The following TENT2 variants were observed in gnomAD, a reference collection of about 807,000 sequenced individuals.
TENT2 encodes the protein terminal nucleotidyltransferase 2, also known as poly(A) RNA polymerase GLD2.
TENT2 carries 44 observed loss-of-function variants against 72.2 expected under a neutral mutation model. The observed-to-expected ratio is 0.61, with a 90% CI of 0.48 to 0.78. TENT2 has a LOEUF of 0.78. Among genes scored for constraint, TENT2 ranks in the 30% least tolerant of loss-of-function variants. The pLI is 0.00. For synonymous variants in TENT2, 212 were observed against 192.5 expected, an observed-to-expected ratio of 1.10 and a Z score of -0.84; for missense variants, 541 against 569.6, an observed-to-expected ratio of 0.95 and a Z score of 0.51.
intron 3 of TENT2, among the ~76,000 whole-genome samples, chr5:79,621,779 A>G (rs1457632630): frequency 2.0e-5 from 3 of 149,494 alleles, no homozygotes; most frequent in Non-Finnish European, 4.4e-5. Context: ...AAAACAAAAA[A>G]AACAAAACTC....
intron 4 of TENT2, among the ~76,000 whole-genome samples, chr5:79,626,959 G>C (rs1235071907): frequency 2.0e-5 from 3 of 151,472 alleles, no homozygotes; most frequent in African/African-American, 4.8e-5. Flanking sequence ...GTGAAACCCC[G>C]TCTCTACTAA....
At chr5:79,661,266 TACTC>T (rs1459026614) in intron 11 of TENT2, among the ~76,000 whole-genome samples, 2 of 152,206 alleles carry the variant, frequency 1.3e-5, no homozygotes, top group African/African-American at 4.8e-5. Context: ...ATTCACTCAC[TACTC>T]ACTCATTGAC....
chr5:79,679,670 G>T lies in TENT2; in HGVS notation c.1300G>T (p.Glu434Ter). Reference protein sequence around the residue: ...EWRNKYICVEEPFDGTNTARA... With the variant: ...EWRNKYICVE The stretch of plus-strand genomic sequence containing the variant: ...GAGAAATAAATACATCTGTGTAGAA[G>T]GTAGTTTTCTGTTTACCATCTACGT... Residue 434 changes from glutamate to a stop codon, truncating the protein, a stop_gained and splice_region_variant, in exon 13 of 15, where the codon GAA becomes TAA. Transcript: ENST00000453514. LOFTEE classifies it high-confidence loss of function. The T allele has an allele frequency of 6.5e-7, 1 of 1,539,648 alleles. No individual in the cohort carries two copies. The highest frequency in any genetic ancestry group is 8.8e-7 in the Non-Finnish European group (1 of 1,139,044).
chr5:79,667,288 G>A (rs1048254646), intron 11 of TENT2, among the ~76,000 whole-genome samples: 1 of 152,134 alleles, frequency 6.6e-6, no homozygotes, highest in Non-Finnish European at 1.5e-5. Flanking sequence ...AGCTTTCAGA[G>A]CGGGAGCTAT....
At chr5:79,613,620 A>C (rs2149758897) in intron 1 of TENT2, among the ~76,000 whole-genome samples, 1 of 152,350 alleles carries the variant, frequency 6.6e-6, no homozygotes, top group South Asian at 2.1e-4. Context: ...TGGTGTGAAT[A>C]GCCCTAATTA....
chr5:79,617,248 A>G (rs923831973), intron 1 of TENT2, among the ~76,000 whole-genome samples: 3 of 151,578 alleles, frequency 2.0e-5, no homozygotes, highest in Admixed American at 6.6e-5. Flanking sequence ...CTTGTGATAT[A>G]TAAACACAAA....
At chr5:79,679,905 C>T (rs1049042422) in intron 13 of TENT2, among the ~76,000 whole-genome samples, 3 of 152,064 alleles carry the variant, frequency 2.0e-5, no homozygotes, top group African/African-American at 7.2e-5. Context: ...CTGTCTTTAT[C>T]CCTCTTACTT....
chr5:79,657,964 G>T (rs1294355173), intron 11 of TENT2, among the ~76,000 whole-genome samples: 1 of 152,128 alleles, frequency 6.6e-6, no homozygotes, highest in Non-Finnish European at 1.5e-5. Flanking sequence ...TACTTGACAT[G>T]GAACATCAGT....
Position 79,642,889 on chromosome 5 carries a change from A to C in TENT2, c.730A>C (p.Lys244Gln). The change falls in exon 7 of 15, where the codon AAA becomes CAA. Residue 244 changes from lysine to glutamine, a missense_variant. Transcript: ENST00000453514. Reference sequence around the variant, plus strand: ...ACGGCATATACTCACCTTAGTCCATAAACACTTCTGTACTAGACTTTGTAA... The same window carrying C: ...ACGGCATATACTCACCTTAGTCCATCAACACTTCTGTACTAGACTTTGTAA... The part of the protein sequence containing the change: ...EARHILTLVH[K>Q]HFCTRLSGYI... The C allele has an allele frequency of 1.2e-6, 2 of 1,612,070 alleles. No individual in the cohort carries two copies. Among genetic ancestry groups the C allele is most frequent in the Non-Finnish European group, 1.7e-6 (2 of 1,179,194 alleles).
chr5:79,681,947 T>C (rs770435219), intron 13 of TENT2, 35 bp from the exon 14 acceptor site: 2 of 1,548,410 alleles, frequency 1.3e-6, no homozygotes, highest in Non-Finnish European at 1.8e-6. Flanking sequence ...CTCATTTTAA[T>C]AATTTTTCCT....
At chr5:79,654,203 G>C (rs1796229022) in intron 10 of TENT2, among the ~76,000 whole-genome samples, 1 of 152,068 alleles carries the variant, frequency 6.6e-6, no homozygotes, top group Non-Finnish European at 1.5e-5. Context: ...AGGCTGAGGC[G>C]GGTGGATCAC....
chr5:79,670,311 TTTTA>T (rs554958818), intron 12 of TENT2, among the ~76,000 whole-genome samples: 4 of 151,782 alleles, frequency 2.6e-5, no homozygotes, highest in Admixed American at 6.6e-5. Context: ...AGGTAAGAGC[TTTTA>T]TTTATTTATT....
chr5:79,624,904 CCT>C (rs1768179283), intron 4 of TENT2, among the ~76,000 whole-genome samples: 1 of 152,174 alleles, frequency 6.6e-6, no homozygotes, highest in African/African-American at 2.4e-5. Context: ...TATGTTTTCA[CCT>C]CTCTTGGAGT....
Position 79,686,511 on chromosome 5 carries a change from G to A in TENT2, c.*1238G>A, listed in dbSNP as rs1003562710. ...TGTAGTACAGTTTTGTACCTCTAACGTATTTTTTTTTTGCAGACCAAATGC... is the reference window on the plus strand; with the variant it reads ...TGTAGTACAGTTTTGTACCTCTAACATATTTTTTTTTTGCAGACCAAATGC... On this transcript the variant is annotated 3_prime_UTR_variant, in exon 15 of 15. Coordinates refer to ENST00000453514, the MANE Select transcript of TENT2 (RefSeq NM_001114394.3). 4 of 151,210 alleles carry A rather than the reference G, an allele frequency of 2.6e-5. No homozygotes were observed. Among genetic ancestry groups the A allele is most frequent in the African/African-American group, 9.8e-5 (4 of 40,832 alleles). The allele number at this position is 151,210 out of a possible 1,614,324, so 9.4% of individuals were successfully genotyped here.
rs561520403 is a variant in TENT2, at chr5:79,613,553, G to A, written c.-38+478G>A. On this transcript the variant is annotated intron_variant, in intron 1 of 14. Transcript: ENST00000453514. ...GGCTTCTAACACGTACTGATTAACAGCCATAAGGCTATTAATTTATACTGA... is the reference window on the plus strand; with the variant it reads ...GGCTTCTAACACGTACTGATTAACAACCATAAGGCTATTAATTTATACTGA... Among the ~76,000 whole-genome samples the A allele has an allele frequency of 1.8e-4, 28 of 152,260 alleles. 1 individual carries two copies. The highest frequency in any genetic ancestry group is 1.3e-3 in the Admixed American group (20 of 15,292).
intron 1 of TENT2, among the ~76,000 whole-genome samples, chr5:79,616,048 T>C (rs897660132): frequency 6.7e-6 from 1 of 148,164 alleles, no homozygotes; most frequent in Non-Finnish European, 1.5e-5. Flanking sequence ...ACCACCACGC[T>C]AGCTAATTTT....
At chr5:79,682,626 T>A (rs551014192) in intron 14 of TENT2, among the ~76,000 whole-genome samples, 146 of 152,198 alleles carry the variant, frequency 9.6e-4, no homozygotes, top group Non-Finnish European at 1.2e-3. Flanking sequence ...ATTTCCAAAA[T>A]AAGTGAATAA....
intron 13 of TENT2, 60 bp downstream of exon 13, chr5:79,679,730 T>TC: frequency 1.4e-5 from 13 of 956,600 alleles, no homozygotes; most frequent in Non-Finnish European, 1.9e-5. Context: ...CTTGAGTAAT[T>TC]TCAGCTGTGT....
intron 4 of TENT2, among the ~76,000 whole-genome samples, chr5:79,635,788 T>C (rs1421360089): frequency 6.6e-6 from 1 of 152,184 alleles, no homozygotes; most frequent in Non-Finnish European, 1.5e-5. Flanking sequence ...ACTCCTGAGC[T>C]CCGGCAGTCC....
Sources: gnomAD v4.1 joint callset for allele counts (sites outside exome capture counted in the v4.1 genomes callset) on GRCh38, gnomAD v4.1.1 for gene constraint, MANE v1.5 for transcripts, NCBI Gene and HGNC (gene_info 2026-07-23, HGNC 2026-07-21) for gene names.